The following CALN1 variants were observed in gnomAD, a reference collection of about 807,000 sequenced individuals.
CALN1 encodes calcium-binding protein 8.
In CALN1, 17 loss-of-function variants were observed where a neutral mutation model predicts 30.6. The observed-to-expected ratio is 0.56, with a 90% CI of 0.38 to 0.83. The LOEUF (loss-of-function observed/expected upper bound fraction) is 0.83, where lower values mean the gene tolerates loss of function less well. Ranked by LOEUF, CALN1 falls within the 40% of genes least tolerant of loss-of-function variation. The pLI is 0.00. For missense variants in CALN1, 291 were observed against 354.9 expected (o/e 0.82, Z 1.45); for synonymous variants, 156 against 131.4 (o/e 1.19, Z -1.28).
At chr7:72,348,398 G>A (rs529443179) in intron 2 of CALN1, among the ~76,000 whole-genome samples, 30 of 152,214 alleles carry the variant, frequency 2.0e-4, no homozygotes, top group Non-Finnish European at 4.1e-4. Flanking sequence ...TCACTAAATT[G>A]AGGGATCAGA....
At chr7:72,266,134 A>G (rs1796581598) in intron 3 of CALN1, among the ~76,000 whole-genome samples, 1 of 151,824 alleles carries the variant, frequency 6.6e-6, no homozygotes, top group African/African-American at 2.4e-5. Flanking sequence ...ATCCTATCTC[A>G]GGAAGAAAAA....
At chr7:72,078,956 A>C (rs1343536283) in intron 4 of CALN1, among the ~76,000 whole-genome samples, 1 of 152,044 alleles carries the variant, frequency 6.6e-6, no homozygotes, top group Non-Finnish European at 1.5e-5. Flanking sequence ...AACAAACAAA[A>C]AACAGCCAGG....
At chr7:72,050,016 A>G (rs1802738095) in intron 4 of CALN1, among the ~76,000 whole-genome samples, 1 of 150,012 alleles carries the variant, frequency 6.7e-6, no homozygotes, top group Admixed American at 6.7e-5. Context: ...ACGGGGTTTC[A>G]CCATGTTGGT....
chr7:72,148,993 G>T (rs370409412), intron 3 of CALN1, among the ~76,000 whole-genome samples: 138 of 151,634 alleles, frequency 9.1e-4, no homozygotes, highest in African/African-American at 3.2e-3. Context: ...AGGAAGGAAG[G>T]AAATAATAAT....
intron 6 of CALN1, among the ~76,000 whole-genome samples, chr7:71,802,014 C>T (rs1335187909): frequency 6.6e-6 from 1 of 151,884 alleles, no homozygotes; most frequent in Non-Finnish European, 1.5e-5. Flanking sequence ...CCTTTAATGG[C>T]AAAACCCGCA....
At chr7:72,261,243 G>A (rs548855332) in intron 3 of CALN1, among the ~76,000 whole-genome samples, 4 of 152,226 alleles carry the variant, frequency 2.6e-5, no homozygotes, top group African/African-American at 9.6e-5. Context: ...GGGAGGCAGA[G>A]GTTGCAGTAA....
intron 5 of CALN1, among the ~76,000 whole-genome samples, chr7:71,922,869 AAT>A (rs1156830576): frequency 7.9e-6 from 1 of 126,538 alleles, no homozygotes; most frequent in Non-Finnish European, 1.6e-5. Flanking sequence ...AATGTATATT[AAT>A]ATATAAACAT....
In CALN1 at chr7:72,152,871, G is replaced by A. The variant is rs574660805; in HGVS notation, c.245-46577C>T. Among the ~76,000 whole-genome samples the A allele has an allele frequency of 5.9e-5, 9 of 152,264 alleles. No homozygotes were observed. In the South Asian group the frequency reaches 1.9e-3, roughly 32 times the overall value. Reference sequence around the variant, plus strand: ...GGTTATCTGAGGTCACTCCATGGGGGAGAAGAATAAACAACTCCAAATAAG... The same window carrying A: ...GGTTATCTGAGGTCACTCCATGGGGAAGAAGAATAAACAACTCCAAATAAG... On this transcript the variant is annotated intron_variant, in intron 3 of 6. Transcript: ENST00000395275.
At chr7:71,917,719 G>A (rs917172214) in intron 5 of CALN1, among the ~76,000 whole-genome samples, 2 of 108,762 alleles carry the variant, frequency 1.8e-5, no homozygotes, top group Admixed American at 8.8e-5. Flanking sequence ...TCATTTTTAT[G>A]AGAACAGCAT....
intron 5 of CALN1, among the ~76,000 whole-genome samples, chr7:72,000,908 G>A (rs1302710597): frequency 6.6e-6 from 1 of 152,210 alleles, no homozygotes; most frequent in African/African-American, 2.4e-5. Context: ...GACCAGGAAT[G>A]TCAGAAGACC....
chr7:72,185,675 G>T (rs1379351832), intron 3 of CALN1, among the ~76,000 whole-genome samples: 1 of 152,200 alleles, frequency 6.6e-6, no homozygotes, highest in Non-Finnish European at 1.5e-5. Flanking sequence ...CGTGTTGTGG[G>T]AGGGACACAG....
chr7:71,929,274 C>T (rs1361946970), intron 5 of CALN1, among the ~76,000 whole-genome samples: 1 of 152,152 alleles, frequency 6.6e-6, no homozygotes, highest in Non-Finnish European at 1.5e-5. Flanking sequence ...GATGCCCTCC[C>T]TCCTCCCACT....
the CALN1 span, among the ~76,000 whole-genome samples, chr7:72,499,317 C>T: frequency 6.6e-6 from 1 of 152,148 alleles, no homozygotes; most frequent in Non-Finnish European, 1.5e-5. Context: ...AGGCATGAGC[C>T]ACTATGCCTG....
At chr7:72,411,316 G>C (rs539217556) in intron 1 of CALN1, among the ~76,000 whole-genome samples, 3 of 152,034 alleles carry the variant, frequency 2.0e-5, no homozygotes, top group South Asian at 2.1e-4. Flanking sequence ...AGCTTTCCAC[G>C]TGAGACCTAA....
chr7:72,014,298 G>A (rs1480389536), intron 5 of CALN1, among the ~76,000 whole-genome samples: 1 of 152,072 alleles, frequency 6.6e-6, no homozygotes, highest in East Asian at 1.9e-4. Context: ...TGTTGGCCAG[G>A]CTGGTCTCAA....
chr7:72,065,896 A>G (rs1243396339), intron 4 of CALN1, among the ~76,000 whole-genome samples: 2 of 152,174 alleles, frequency 1.3e-5, no homozygotes, highest in Non-Finnish European at 2.9e-5. Context: ...TCCATCTCAA[A>G]AAAAGAAAAG....
chr7:72,132,031 C>A (rs912201999), intron 3 of CALN1, among the ~76,000 whole-genome samples: 2 of 152,114 alleles, frequency 1.3e-5, no homozygotes, highest in East Asian at 3.9e-4. Context: ...GTCCTCCAGT[C>A]GCTCAATGTA....
rs1562797751 is a variant in CALN1, at chr7:72,252,618, AAAAG to A, written c.244+26064_244+26067del. 3.3e-5 allele frequency among the ~76,000 whole-genome samples: 5 copies of A among 151,202 alleles called. No homozygotes were observed. The South Asian group carries it at 8.3e-4, about 25-fold the overall frequency. On this transcript the variant is annotated intron_variant, in intron 3 of 6. Transcript: ENST00000395275. ...AGCAAGACCCTGTCTCAAAAAAAAA[AAAAG>A]AAAGACAGAGGAAGGAAGGGAGGGA...
chr7:72,041,994 A>G (rs1405957576), intron 4 of CALN1, among the ~76,000 whole-genome samples: 5 of 152,182 alleles, frequency 3.3e-5, no homozygotes, highest in African/African-American at 1.2e-4. Flanking sequence ...TCTCTCGGGT[A>G]TGTCTTTATT....
Sources: gnomAD v4.1 joint callset for allele counts (sites outside exome capture counted in the v4.1 genomes callset) on GRCh38, gnomAD v4.1.1 for gene constraint, MANE v1.5 for transcripts, NCBI Gene and HGNC (gene_info 2026-07-23, HGNC 2026-07-21) for gene names.